The following TRPC4 variants were observed in gnomAD, a reference collection of about 807,000 sequenced individuals.
TRPC4 encodes the protein transient receptor potential cation channel subfamily C member 4, also known as short transient receptor potential channel 4.
A neutral mutation model predicts 99.4 loss-of-function variants in TRPC4; 49 were observed. That is an observed-to-expected ratio of 0.49 (90% CI 0.39 to 0.63). The LOEUF is 0.63. TRPC4 is among the 20% of genes least tolerant of loss of function. The pLI is 0.00. For missense variants in TRPC4, 898 were observed against 1,152.9 expected, an observed-to-expected ratio of 0.78 and a Z score of 3.20; for synonymous variants, 454 against 425.9, an observed-to-expected ratio of 1.07 and a Z score of -0.81.
intron 4 of TRPC4, among the ~76,000 whole-genome samples, chr13:37,685,922 T>C (rs1429624502): frequency 6.6e-6 from 1 of 151,906 alleles, no homozygotes; most frequent in East Asian, 1.9e-4. Flanking sequence ...TAAAATATTT[T>C]TTCCCACTGA....
chr13:37,632,810 T>C lies in TRPC4; in HGVS notation c.*4093A>G, dbSNP rs569651697. ...AGAAACCAGCTTTTTAAAAATTCTC[T>C]TAACACAACTTTGTAGAAAAACAAA... On this transcript the variant is annotated 3_prime_UTR_variant, in exon 11 of 11. Transcript: ENST00000379705. 3.9e-5 allele frequency among the ~76,000 whole-genome samples: 6 copies of C among 152,340 alleles called. No homozygotes were observed. The highest frequency in any genetic ancestry group is 3.9e-4 in the East Asian group (2 of 5,186).
Position 37,783,380 on chromosome 13 carries a change from A to C in TRPC4, c.-27-20T>G, listed in dbSNP as rs199613981. ...TCGTCTCTGAAAGTAGAAACAAAAA[A>C]CACAAAGATTAGTGTTAATATGCTT... On this transcript the variant is annotated intron_variant, in intron 1 of 10. Transcript: ENST00000379705. The C allele has an allele frequency of 2.5e-4, 368 of 1,499,150 alleles. No homozygotes were observed. The highest frequency in any genetic ancestry group is 3.2e-4 in the Non-Finnish European group (355 of 1,126,022). The allele number at this position is 1,499,150 out of a possible 1,614,324, so 92.9% of individuals were successfully genotyped here. A position where few individuals can be genotyped will look rare whatever the true frequency, so the allele number is the denominator to read the frequency against.
intron 4 of TRPC4, among the ~76,000 whole-genome samples, chr13:37,685,294 C>A (rs1953428990): frequency 6.6e-6 from 1 of 151,968 alleles, no homozygotes; most frequent in African/African-American, 2.4e-5. Flanking sequence ...GGGTGAGTGT[C>A]TCAGAAAGGA....
At chr13:37,854,670 A>G (rs536709251) in intron 1 of TRPC4, among the ~76,000 whole-genome samples, 1 of 152,218 alleles carries the variant, frequency 6.6e-6, no homozygotes, top group Non-Finnish European at 1.5e-5. Flanking sequence ...TGCAATCAGT[A>G]TTGTCATCAA....
At chr13:37,792,509 T>C (rs553944980) in intron 1 of TRPC4, among the ~76,000 whole-genome samples, 1 of 152,272 alleles carries the variant, frequency 6.6e-6, no homozygotes, top group East Asian at 1.9e-4. Context: ...CTTGTCTTGT[T>C]TACAATGAAG....
intron 1 of TRPC4, among the ~76,000 whole-genome samples, chr13:37,833,743 T>C (rs1280997226): frequency 6.6e-6 from 1 of 152,164 alleles, no homozygotes; most frequent in Admixed American, 6.5e-5. Flanking sequence ...TTGTGGGGCC[T>C]TTTCTCAATG....
At chr13:37,750,402 A>G (rs1000543182) in intron 2 of TRPC4, among the ~76,000 whole-genome samples, 1 of 152,128 alleles carries the variant, frequency 6.6e-6, no homozygotes, top group African/African-American at 2.4e-5. Flanking sequence ...GCCCACTGCA[A>G]TTACGTTGGT....
intron 3 of TRPC4, among the ~76,000 whole-genome samples, chr13:37,737,450 C>A (rs989374710): frequency 6.6e-6 from 1 of 151,904 alleles, no homozygotes; most frequent in Admixed American, 6.6e-5. Flanking sequence ...AATTCATAGA[C>A]CTTATTTACT....
chr13:37,852,758 G>A (rs1484486608), intron 1 of TRPC4, among the ~76,000 whole-genome samples: 1 of 152,152 alleles, frequency 6.6e-6, no homozygotes, highest in East Asian at 1.9e-4. Flanking sequence ...CCCAGGCTGT[G>A]CAGCGTTTAC....
intron 3 of TRPC4, among the ~76,000 whole-genome samples, chr13:37,698,807 A>G (rs192509601): frequency 3.9e-5 from 6 of 152,304 alleles, no homozygotes; most frequent in African/African-American, 1.4e-4. Flanking sequence ...CGATGCCAAT[A>G]GGGGACTTAA....
chr13:37,680,330 G>A (rs1204054805), intron 4 of TRPC4, among the ~76,000 whole-genome samples: 1 of 152,172 alleles, frequency 6.6e-6, no homozygotes, highest in African/African-American at 2.4e-5. Flanking sequence ...AAGGCATAGT[G>A]ATAAGAGCTA....
chr13:37,661,080 A>G (rs1952421145), intron 6 of TRPC4, among the ~76,000 whole-genome samples: 1 of 152,220 alleles, frequency 6.6e-6, no homozygotes, highest in Non-Finnish European at 1.5e-5. Flanking sequence ...AAGTGCAATA[A>G]CTGATTTATT....
chr13:37,666,488 T>G (rs1335381532), intron 5 of TRPC4, among the ~76,000 whole-genome samples: 1 of 152,196 alleles, frequency 6.6e-6, no homozygotes, highest in Non-Finnish European at 1.5e-5. Context: ...CTTCTTAAAT[T>G]TTGCTGAATT....
chr13:37,855,193 A>G (rs1042439921), intron 1 of TRPC4, among the ~76,000 whole-genome samples: 5 of 151,780 alleles, frequency 3.3e-5, no homozygotes, highest in South Asian at 2.1e-4. Flanking sequence ...GTAGCTACAC[A>G]TATATCTAAC....
intron 5 of TRPC4, among the ~76,000 whole-genome samples, chr13:37,664,930 G>A (rs1375917251): frequency 6.6e-6 from 1 of 152,042 alleles, no homozygotes; most frequent in Non-Finnish European, 1.5e-5. Context: ...TTGCTTGACT[G>A]GCAGTGTAAA....
chr13:37,751,253 A>T (rs1361434820), intron 2 of TRPC4, among the ~76,000 whole-genome samples: 1 of 152,048 alleles, frequency 6.6e-6, no homozygotes, highest in Admixed American at 6.6e-5. Flanking sequence ...TGGCGGGAAC[A>T]TTCATCAGCT....
chr13:37,642,149 T>C (rs1951733954), intron 8 of TRPC4, among the ~76,000 whole-genome samples: 1 of 152,166 alleles, frequency 6.6e-6, no homozygotes, highest in Non-Finnish European at 1.5e-5. Context: ...ATGTAAGTGA[T>C]AGAGTAAGAG....
chr13:37,860,903 T>A (rs1221305631), intron 1 of TRPC4, among the ~76,000 whole-genome samples: 2 of 151,532 alleles, frequency 1.3e-5, no homozygotes, highest in African/African-American at 4.8e-5. Flanking sequence ...GTCTTCGGTT[T>A]ACTTATGTAT....
chr13:37,845,246 GAT>G (rs753385191), intron 1 of TRPC4, among the ~76,000 whole-genome samples: 1 of 151,644 alleles, frequency 6.6e-6, no homozygotes, highest in Non-Finnish European at 1.5e-5. Context: ...ACATGAGGAT[GAT>G]GAAAAATTAG....
Sources: gnomAD v4.1 joint callset for allele counts (sites outside exome capture counted in the v4.1 genomes callset) on GRCh38, gnomAD v4.1.1 for gene constraint, MANE v1.5 for transcripts, NCBI Gene and HGNC (gene_info 2026-07-23, HGNC 2026-07-21) for gene names.